ACSM1: variants seen among roughly 807,000 people sequenced by gnomAD.
ACSM1 encodes acyl-coenzyme A synthetase ACSM1, mitochondrial.
ACSM1 carries 79 observed loss-of-function variants against 75.8 expected under a neutral mutation model. The ratio of observed to expected loss-of-function variants is 1.04; its 90% CI spans 0.87 to 1.26. The LOEUF is 1.26. Among genes scored for constraint, ACSM1 ranks in the 50% most tolerant of loss-of-function variants. The probability of loss-of-function intolerance (pLI) is 0.00; values close to 1 mark genes in which losing one functional copy is unlikely to be tolerated. For missense variants in ACSM1, 676 were observed against 720.1 expected, an observed-to-expected ratio of 0.94 and a Z score of 0.70; for synonymous variants, 279 against 265.8, an observed-to-expected ratio of 1.05 and a Z score of -0.48.
At chr16:20,649,865 G>T (rs1223191299) in intron 7 of ACSM1, among the ~76,000 whole-genome samples, 1 of 152,178 alleles carries the variant, frequency 6.6e-6, no homozygotes, top group African/African-American at 2.4e-5. Flanking sequence ...CCTGAGGGCT[G>T]TGTCACAGGC....
intron 2 of ACSM1, among the ~76,000 whole-genome samples, chr16:20,685,836 C>CA (rs2079542783): frequency 1.8e-5 from 2 of 108,562 alleles, no homozygotes; most frequent in Non-Finnish European, 3.8e-5. Context: ...AAAAAACAAA[C>CA]AAAAAAAAAA....
chr16:20,690,748 G>T (rs907571144), intron 2 of ACSM1, among the ~76,000 whole-genome samples: 2 of 152,248 alleles, frequency 1.3e-5, no homozygotes, highest in African/African-American at 4.8e-5. Flanking sequence ...TTGAATAAAA[G>T]ATATATTTAC....
At chr16:20,628,673 A>G (rs1387992994) in intron 10 of ACSM1, among the ~76,000 whole-genome samples, 1 of 151,978 alleles carries the variant, frequency 6.6e-6, no homozygotes, top group Non-Finnish European at 1.5e-5. Flanking sequence ...TTGTTTAACC[A>G]TTTACCTGTT....
At chr16:20,642,591 T>C (rs968408494) in intron 7 of ACSM1, among the ~76,000 whole-genome samples, 1 of 152,238 alleles carries the variant, frequency 6.6e-6, no homozygotes, top group African/African-American at 2.4e-5. Context: ...CCTTTTAAGA[T>C]GCTCTCCTCC....
intron 6 of ACSM1, among the ~76,000 whole-genome samples, chr16:20,668,178 TG>T (rs2019678278): frequency 1.3e-5 from 2 of 152,240 alleles, no homozygotes; most frequent in African/African-American, 4.8e-5. Context: ...AAAGACTTTT[TG>T]TTTTAGTCTT....
intron 4 of ACSM1, among the ~76,000 whole-genome samples, chr16:20,672,743 TATA>T (rs1448620353): frequency 5.7e-5 from 7 of 122,770 alleles, no homozygotes; most frequent in East Asian, 2.2e-4. Context: ...GTAAGTTATA[TATA>T]ATATTTATGC....
intron 4 of ACSM1, chr16:20,681,257 A>T (rs2079440852): frequency 6.6e-6 from 1 of 152,224 alleles, no homozygotes; most frequent in African/African-American, 2.4e-5. Flanking sequence ...TATATATTGA[A>T]ATAGATTGGC....
chr16:20,624,531 T>C (rs1189597332), intron 12 of ACSM1, among the ~76,000 whole-genome samples: 1 of 152,190 alleles, frequency 6.6e-6, no homozygotes, highest in Non-Finnish European at 1.5e-5. Context: ...TTATTATTAC[T>C]CCCGTCATCA....
rs1465860004 is a variant in ACSM1 at position 20,625,435 on chromosome 16, C to T, written c.1515G>A (p.Pro505=). 7 of 1,613,924 alleles carry T rather than the reference C, an allele frequency of 4.3e-6. No homozygotes were observed. The African/African-American group carries it at 5.3e-5, about 12-fold the overall frequency. The change falls in exon 12 of 14, where the codon CCG becomes CCA. Residue 505 remains proline, a synonymous_variant. Transcript: ENST00000520010. ...GTGTTCTCCTCACCTCCCCTCGAATCGGGTCTGGGCTGCCCACCACGGCTG... is the reference window on the plus strand; with the variant it reads ...GTGTTCTCCTCACCTCCCCTCGAATTGGGTCTGGGCTGCCCACCACGGCTG... The part of the protein sequence containing the change: ...AESAVVGSPD[P]IRGEVVKAFI...
intron 7 of ACSM1, among the ~76,000 whole-genome samples, chr16:20,661,143 C>T (rs548690594): frequency 2.6e-5 from 4 of 152,136 alleles, no homozygotes; most frequent in East Asian, 1.9e-4. Flanking sequence ...AGCCTCAAAG[C>T]GAAAACTACA....
At chr16:20,695,680 C>CT (rs1555479363) in intron 1 of ACSM1, among the ~76,000 whole-genome samples, 7 of 150,910 alleles carry the variant, frequency 4.6e-5, no homozygotes, top group Non-Finnish European at 7.4e-5. Context: ...ATCTATCTAT[C>CT]ATCTATCTAT....
intron 1 of ACSM1, among the ~76,000 whole-genome samples, chr16:20,693,921 A>C (rs1341461009): frequency 6.6e-6 from 1 of 152,244 alleles, no homozygotes; most frequent in East Asian, 1.9e-4. Flanking sequence ...TTCTCTTAAA[A>C]GCAAAATTTA....
At chr16:20,693,515 TC>T (rs2079673918) in intron 1 of ACSM1, among the ~76,000 whole-genome samples, 2 of 152,184 alleles carry the variant, frequency 1.3e-5, no homozygotes, top group African/African-American at 4.8e-5. Context: ...ACATTTAAGT[TC>T]CCTCTTGCTC....
chr16:20,637,423 A>C lies in ACSM1; in HGVS notation c.1145T>G (p.Met382Arg), dbSNP rs759470307. The change falls in exon 9 of 14, where the codon ATG becomes AGG. Residue 382 changes from methionine (M) to arginine (R), a missense_variant. Physicochemically the swap from Met to Arg is moderately conservative, Grantham distance 91 (BLOSUM62 -1). Transcript: ENST00000520010. Reference protein sequence around the residue: ...TGLICATYWGMKIKPGFMGKA... With the variant: ...TGLICATYWGRKIKPGFMGKA... ...CCCCATGAAACCCGGCTTGATCTTC[A>C]TTCCCCAGTAGGTGGCACAAATTAG... The C allele has an allele frequency of 1.2e-6, 2 of 1,613,946 alleles. No individual in the cohort carries two copies. Among genetic ancestry groups the C allele is most frequent in the Non-Finnish European group, 1.7e-6 (2 of 1,180,008 alleles).
intron 7 of ACSM1, 52 bp from the exon 8 acceptor site, chr16:20,640,636 A>T (rs1231733101): frequency 1.2e-6 from 2 of 1,612,292 alleles, no homozygotes; most frequent in Non-Finnish European, 1.7e-6. Context: ...GGCTCTGTGC[A>T]TTCAGAGCTC....
At chr16:20,651,005 T>C (rs1391190663) in intron 7 of ACSM1, among the ~76,000 whole-genome samples, 1 of 151,888 alleles carries the variant, frequency 6.6e-6, no homozygotes, top group Non-Finnish European at 1.5e-5. Flanking sequence ...ACTGAAGTAA[T>C]AGCTATGGGA....
At chr16:20,665,151 A>G (rs1198857649) in intron 6 of ACSM1, among the ~76,000 whole-genome samples, 1 of 152,140 alleles carries the variant, frequency 6.6e-6, no homozygotes, top group Admixed American at 6.5e-5. Context: ...AATTAAAATT[A>G]AAGAACTGAA....
chr16:20,678,789 T>G (rs927253236), intron 4 of ACSM1, among the ~76,000 whole-genome samples: 35 of 152,194 alleles, frequency 2.3e-4, no homozygotes, highest in African/African-American at 8.0e-4. Context: ...CTAAAACAAC[T>G]GCTGAAGAAA....
intron 2 of ACSM1, among the ~76,000 whole-genome samples, chr16:20,687,387 G>A (rs2079572833): frequency 1.3e-5 from 2 of 152,096 alleles, no homozygotes; most frequent in Admixed American, 6.6e-5. Context: ...GAGGTGGGGC[G>A]GGATGCACAC....
Sources: allele counts gnomAD v4.1 joint callset (sites outside exome capture counted in the v4.1 genomes callset), GRCh38; gene constraint gnomAD v4.1.1; transcripts MANE v1.5; gene names NCBI Gene and HGNC (gene_info 2026-07-23, HGNC 2026-07-21).